CALR3: variants seen among roughly 807,000 people sequenced by gnomAD.
The protein encoded by CALR3 is calreticulin 3.
Under a neutral mutation model 48.7 loss-of-function variants are expected in CALR3, and 39 were observed. The observed-to-expected ratio is 0.80, with a 90% CI of 0.62 to 1.05. The LOEUF is 1.05. Ranked by LOEUF, CALR3 falls within the 50% of genes least tolerant of loss-of-function variation. The pLI is 0.00. For missense variants in CALR3, 449 were observed against 474.7 expected (o/e 0.95, Z 0.50); for synonymous variants, 185 against 172.7 (o/e 1.07, Z -0.56).
At chr19:16,493,542 A>ATTTTTTTTTTTTTTTTTTTTTTT (rs3032114) in intron 2 of CALR3, among the ~76,000 whole-genome samples, 1 of 72,928 alleles carries the variant, frequency 1.4e-5, no homozygotes, top group African/African-American at 5.3e-5. Flanking sequence ...TGAAGCTAGA[A>ATTTTTTTTTTTTTTTTTTTTTTT]TTTTTTTTTT....
chr19:16,482,576 G>C lies in CALR3; in HGVS notation c.792C>G (p.Gly264=). The C allele has an allele frequency of 6.2e-7, 1 of 1,614,152 alleles. No homozygotes were observed. ...CTTTATGAATACCTTCTGGTTTCAG[G>C]CCATCCTGTATCAAAAAAACCATAT... ...PMLQKPPYQD[G]LKPEGIHKDV... is the part of the protein sequence containing the mutation. Residue 264 remains glycine, a synonymous_variant, in exon 7 of 9, where the codon GGC becomes GGG. Transcript: ENST00000269881.
chr19:16,480,200 CAAAAAAAAAA>C (rs57759885), intron 8 of CALR3, among the ~76,000 whole-genome samples: 3,725 of 70,980 alleles, frequency 0.052, 142 homozygotes, highest in Admixed American at 0.18. Flanking sequence ...GACTCCGTCT[CAAAAAAAAAA>C]AAAAAAAAAA....
intron 7 of CALR3, among the ~76,000 whole-genome samples, chr19:16,481,235 C>A (rs114498271): frequency 6.6e-6 from 1 of 151,928 alleles, no homozygotes; most frequent in Non-Finnish European, 1.5e-5. Context: ...CAGGCGTGAG[C>A]CATACTGTCC....
At chr19:16,479,325 C>T in intron 8 of CALR3, 51 bp from the exon 9 acceptor site, 10 of 1,608,880 alleles carry the variant, frequency 6.2e-6, no homozygotes, top group Non-Finnish European at 8.5e-6. Flanking sequence ...ATGGCTCGTG[C>T]CTGTAATCCC....
At chr19:16,488,145 C>T (rs2093392094) in intron 3 of CALR3, among the ~76,000 whole-genome samples, 1 of 151,912 alleles carries the variant, frequency 6.6e-6, no homozygotes, top group Admixed American at 6.6e-5. Context: ...AACGGGGTTT[C>T]TCCATGTTGG....
intron 7 of CALR3, 152 bp downstream of exon 7, chr19:16,482,298 C>T: frequency 9.2e-7 from 1 of 1,083,330 alleles, no homozygotes; most frequent in Non-Finnish European, 1.4e-6. Context: ...GGGAGGATCG[C>T]TTGGGCCTAG....
At chr19:16,490,605 T>G in intron 2 of CALR3, 35 bp from the exon 3 acceptor site, 1 of 1,574,014 alleles carries the variant, frequency 6.4e-7, no homozygotes, top group Non-Finnish European at 8.7e-7. Context: ...GGATCAGGAA[T>G]GACGCTGCGC....
In CALR3 at chr19:16,492,327, G is replaced by A. The variant is rs541584482; in HGVS notation, c.194-1757C>T. ...CAAAATTAGCCGAGCGTAGTGGCGC[G>A]TGCCTGTGGTCCCAGCTACTCGGGA... On this transcript the variant is annotated intron_variant, in intron 2 of 8. Transcript: ENST00000269881. Among the ~76,000 whole-genome samples, 16 of 152,214 alleles carry A rather than the reference G, an allele frequency of 1.1e-4. No homozygotes were observed. In the East Asian group the frequency reaches 1.9e-3, roughly 19 times the overall value.
intron 3 of CALR3, among the ~76,000 whole-genome samples, chr19:16,487,663 T>A (rs2093391283): frequency 6.6e-6 from 1 of 151,706 alleles, no homozygotes; most frequent in South Asian, 2.1e-4. Context: ...TTGAGACGGA[T>A]TTTTGCTCTC....
chr19:16,486,371 CAG>C (rs2093389051), intron 3 of CALR3, among the ~76,000 whole-genome samples: 1 of 150,168 alleles, frequency 6.7e-6, no homozygotes, highest in Non-Finnish European at 1.5e-5. Context: ...GCTGTAATCC[CAG>C]AACTTTGGGG....
intron 2 of CALR3, among the ~76,000 whole-genome samples, chr19:16,493,447 A>G (rs1054241261): frequency 6.6e-6 from 1 of 151,984 alleles, no homozygotes; most frequent in African/African-American, 2.4e-5. Flanking sequence ...CCAAACTTCT[A>G]CACTTCAGAA....
intron 6 of CALR3, 44 bp downstream of exon 6, chr19:16,482,634 G>T: frequency 6.2e-7 from 1 of 1,613,700 alleles, no homozygotes; most frequent in Non-Finnish European, 8.5e-7. Context: ...CAGCGGAGGG[G>T]CAGCCCTGGG....
In CALR3 at chr19:16,496,144, C is replaced by T; in HGVS notation, c.-15G>A. The T allele has an allele frequency of 6.3e-7, 1 of 1,575,130 alleles. No individual in the cohort carries two copies. The highest frequency in any genetic ancestry group is 1.2e-5 in the South Asian group (1 of 86,664). On this transcript the variant is annotated 5_prime_UTR_variant, in exon 1 of 9. Transcript: ENST00000269881. ...GCCCGGGCCATGGGGGTGTGCACTG[C>T]GCTTCCGGTCGCCGCCACCCCTTAG...
In CALR3 at chr19:16,483,824, A is replaced by G; in HGVS notation, c.678+106T>C. 8 of 1,191,230 alleles carry G rather than the reference A, an allele frequency of 6.7e-6. 1 individual carries two copies. The Middle Eastern group carries it at 1.6e-3, about 246-fold the overall frequency. 73.8% of individuals were successfully genotyped at this position (1,191,230 alleles called of 1,614,324 possible). A position where few individuals can be genotyped will look rare whatever the true frequency, so the allele number is the denominator to read the frequency against. ...TGCTCTGGGGAGGGCATTTGGTTCT[A>G]TAATATTGCCATCGTGGCTACCAGC... On this transcript the variant is annotated intron_variant, in intron 5 of 8. Coordinates refer to ENST00000269881, the MANE Select transcript of CALR3 (RefSeq NM_145046.5).
chr19:16,491,603 C>A (rs2093398249), intron 2 of CALR3, among the ~76,000 whole-genome samples: 1 of 150,250 alleles, frequency 6.7e-6, no homozygotes, highest in Non-Finnish European at 1.5e-5. Flanking sequence ...ATGGTGAAAC[C>A]CTATCTCTAC....
Position 16,480,684 on chromosome 19 carries a change from T to C in CALR3, c.941A>G (p.Asp314Gly). 1 of 1,613,786 alleles carries C rather than the reference T, an allele frequency of 6.2e-7. No individual in the cohort carries two copies. Among genetic ancestry groups the C allele is most frequent in the Non-Finnish European group, 8.5e-7 (1 of 1,179,684 alleles). Residue 314 changes from aspartate (D) to glycine (G), a missense_variant, in exon 8 of 9, where the codon GAT (aspartate) becomes GGT (glycine). Asp to Gly is a moderately conservative substitution (Grantham distance 94). Coordinates refer to ENST00000269881, the MANE Select transcript of CALR3 (RefSeq NM_145046.5). ...LWQVRSGTIFDNFLITDDEEY... is the reference protein window; with the variant it reads ...LWQVRSGTIFGNFLITDDEEY... ...TTCATCATCTGTGATCAGAAAGTTA[T>C]CAAAAATGGTTCCAGATCTCACCTG...
chr19:16,480,494 GT>G, intron 8 of CALR3, 119 bp downstream of exon 8: 1 of 708,786 alleles, frequency 1.4e-6, no homozygotes, highest in East Asian at 2.7e-5. Flanking sequence ...GGAGGTTGCA[GT>G]GAGCCGAGAC....
At position 16,480,725 on chromosome 19, in the gene CALR3, C is replaced by A. The variant is rs1482540173; in HGVS notation, c.919-19G>T. On this transcript the variant is annotated intron_variant, in intron 7 of 8. Coordinates refer to ENST00000269881, the MANE Select transcript of CALR3 (RefSeq NM_145046.5). ...ATCTCACCTGCAGATGAAAATAAGG[C>A]CTTCATTATTATGCTTTTATTCTTT... The A allele has an allele frequency of 1.4e-6, 2 of 1,476,240 alleles. No individual in the cohort carries two copies. The allele number at this position is 1,476,240 out of a possible 1,614,324, so 91.4% of individuals were successfully genotyped here. A position where few individuals can be genotyped will look rare whatever the true frequency, so the allele number is the denominator to read the frequency against.
At chr19:16,480,829 G>A in intron 7 of CALR3, 123 bp from the exon 8 acceptor site, 2 of 790,550 alleles carry the variant, frequency 2.5e-6, no homozygotes, top group Non-Finnish European at 4.2e-6. Context: ...TTTTAGAGAT[G>A]GGGTCTTGCT....
Sources: allele counts gnomAD v4.1 joint callset (sites outside exome capture counted in the v4.1 genomes callset), GRCh38; gene constraint gnomAD v4.1.1; transcripts MANE v1.5; gene names NCBI Gene and HGNC (gene_info 2026-07-23, HGNC 2026-07-21).